RNLS: variants seen among roughly 807,000 people sequenced by gnomAD.
RNLS encodes the protein renalase, FAD dependent amine oxidase.
A neutral mutation model predicts 39.8 loss-of-function variants in RNLS; 39 were observed. That is an observed-to-expected ratio of 0.98 (90% CI 0.76 to 1.28). The LOEUF is 1.28. Ranked by LOEUF, RNLS falls within the 50% of genes most tolerant of loss-of-function variation. The pLI is 0.00. For missense variants in RNLS, 410 were observed against 413.3 expected (o/e 0.99, Z 0.07); for synonymous variants, 147 against 150.7 (o/e 0.98, Z 0.18).
At chr10:88,380,745 T>C (rs1851418799) in intron 4 of RNLS, among the ~76,000 whole-genome samples, 1 of 152,138 alleles carries the variant, frequency 6.6e-6, no homozygotes, top group Admixed American at 6.5e-5. Context: ...TATCCTATAC[T>C]TTCTTCTAGC....
At chr10:88,210,961 C>G in the RNLS span, among the ~76,000 whole-genome samples, 2 of 152,008 alleles carry the variant, frequency 1.3e-5, no homozygotes, top group Non-Finnish European at 2.9e-5. Flanking sequence ...TGGGTTGAGT[C>G]AAATCTTAAA....
chr10:88,369,307 T>A (rs1455971466), intron 4 of RNLS, among the ~76,000 whole-genome samples: 2 of 152,318 alleles, frequency 1.3e-5, no homozygotes, highest in African/African-American at 4.8e-5. Context: ...TCTGCTTTGA[T>A]CTGTGCCCAG....
chr10:88,306,253 C>T (rs574822804), intron 6 of RNLS, among the ~76,000 whole-genome samples: 1 of 152,052 alleles, frequency 6.6e-6, no homozygotes, highest in Non-Finnish European at 1.5e-5. Flanking sequence ...ACAATTAACA[C>T]CAAAACTAAA....
At chr10:88,526,084 T>G (rs533896593) in intron 4 of RNLS, among the ~76,000 whole-genome samples, 1 of 152,156 alleles carries the variant, frequency 6.6e-6, no homozygotes, top group African/African-American at 2.4e-5. Flanking sequence ...CTACTTCATC[T>G]TCACAATCTT....
At chr10:88,308,784 G>A (rs1845129463) in intron 6 of RNLS, among the ~76,000 whole-genome samples, 1 of 152,044 alleles carries the variant, frequency 6.6e-6, no homozygotes, top group Admixed American at 6.6e-5. Context: ...ATACCCAAAG[G>A]AATATAAGTT....
chr10:88,368,400 A>C (rs1183192029), intron 4 of RNLS, among the ~76,000 whole-genome samples: 1 of 152,164 alleles, frequency 6.6e-6, no homozygotes, highest in Non-Finnish European at 1.5e-5. Context: ...CTAGTGCAAC[A>C]ATGGCATTCA....
chr10:88,532,130 T>C (rs1161993450), intron 4 of RNLS, among the ~76,000 whole-genome samples: 1 of 152,116 alleles, frequency 6.6e-6, no homozygotes, highest in African/African-American at 2.4e-5. Context: ...TGTCAGAATC[T>C]TAATTCATGT....
At chr10:88,447,815 G>C (rs1324565549) in intron 4 of RNLS, among the ~76,000 whole-genome samples, 2 of 152,140 alleles carry the variant, frequency 1.3e-5, no homozygotes, top group African/African-American at 4.8e-5. Context: ...CAGAGATATA[G>C]ACCAAGGGAA....
At chr10:88,201,780 C>T in the RNLS span, among the ~76,000 whole-genome samples, 1 of 151,954 alleles carries the variant, frequency 6.6e-6, no homozygotes, top group African/African-American at 2.4e-5. Flanking sequence ...AAGTTTGTTA[C>T]AGCAGATCCT....
At chr10:88,523,797 G>A (rs1486658181) in intron 4 of RNLS, among the ~76,000 whole-genome samples, 1 of 152,060 alleles carries the variant, frequency 6.6e-6, no homozygotes, top group African/African-American at 2.4e-5. Context: ...ACCTGCATAG[G>A]AGCCGCATCA....
the RNLS span, among the ~76,000 whole-genome samples, chr10:88,252,672 T>C: frequency 1.7e-5 from 1 of 58,630 alleles, no homozygotes. Flanking sequence ...CTTGGTCCTG[T>C]GAACATCAAT....
intron 4 of RNLS, among the ~76,000 whole-genome samples, chr10:88,466,061 T>C (rs891350451): frequency 9.2e-5 from 14 of 151,958 alleles, no homozygotes; most frequent in East Asian, 1.9e-4. Flanking sequence ...TCTGTATCCA[T>C]TGTTAGAAGG....
At chr10:88,175,544 A>G in the RNLS span, among the ~76,000 whole-genome samples, 2 of 152,212 alleles carry the variant, frequency 1.3e-5, no homozygotes, top group Middle Eastern at 3.4e-3. Context: ...ATGTATTTGT[A>G]CTTTTTCCAA....
At chr10:88,445,145 G>A (rs2037320998) in intron 4 of RNLS, among the ~76,000 whole-genome samples, 1 of 152,186 alleles carries the variant, frequency 6.6e-6, no homozygotes, top group Non-Finnish European at 1.5e-5. Flanking sequence ...CAAGCCAGAA[G>A]AGAGTGAGGA....
At chr10:88,199,219 G>A in the RNLS span, among the ~76,000 whole-genome samples, 1 of 152,108 alleles carries the variant, frequency 6.6e-6, no homozygotes, top group African/African-American at 2.4e-5. Context: ...AGTGGGAGAG[G>A]GAGACACTGC....
downstream of RNLS, among the ~76,000 whole-genome samples, chr10:88,273,256 G>T (rs114635752): frequency 7.4e-3 from 1,121 of 152,260 alleles, 12 homozygotes; most frequent in African/African-American, 0.025. Flanking sequence ...CCAATTGGCT[G>T]CCTGACTGCT....
chr10:88,254,843 C>T, the RNLS span, among the ~76,000 whole-genome samples: 7 of 152,322 alleles, frequency 4.6e-5, no homozygotes, highest in South Asian at 1.4e-3. Context: ...ATGGTCTTAA[C>T]TATTCCCTAT....
chr10:88,466,291 A>G (rs568702537), intron 4 of RNLS, among the ~76,000 whole-genome samples: 13 of 152,216 alleles, frequency 8.5e-5, no homozygotes, highest in African/African-American at 3.1e-4. Context: ...AAATTCTGTC[A>G]TGAGGGCCGG....
chr10:88,217,988 C>T, the RNLS span, among the ~76,000 whole-genome samples: 6 of 151,966 alleles, frequency 3.9e-5, no homozygotes, highest in Non-Finnish European at 8.8e-5. Flanking sequence ...TGCAGTGAGC[C>T]GAGATCACGC....
Sources: gnomAD v4.1 joint callset for allele counts (sites outside exome capture counted in the v4.1 genomes callset) on GRCh38, gnomAD v4.1.1 for gene constraint, MANE v1.5 for transcripts, NCBI Gene and HGNC (gene_info 2026-07-23, HGNC 2026-07-21) for gene names.